FAM135A: variants seen among roughly 807,000 people sequenced by gnomAD.
FAM135A encodes protein FAM135A.
FAM135A carries 79 observed loss-of-function variants against 146.8 expected under a neutral mutation model. The observed-to-expected ratio is 0.54, with a 90% CI of 0.45 to 0.65. The LOEUF (loss-of-function observed/expected upper bound fraction) is 0.65, where lower values mean the gene tolerates loss of function less well. FAM135A is among the 30% of genes least tolerant of loss of function. The pLI, the probability that FAM135A is intolerant of heterozygous loss-of-function variation, is 0.00. For missense variants in FAM135A, 1,623 were observed against 1,758.2 expected, an observed-to-expected ratio of 0.92 and a Z score of 1.38; for synonymous variants, 562 against 603.6, an observed-to-expected ratio of 0.93 and a Z score of 1.01.
At position 70,525,012 on chromosome 6, in the gene FAM135A, G is replaced by A. The variant is rs1794386887; in HGVS notation, c.1928G>A (p.Cys643Tyr). ...NLASRRSSDDCHDHQTTPSLG... is the reference protein window; with the variant it reads ...NLASRRSSDDYHDHQTTPSLG... ...GCATCCAGAAGGTCATCAGACGATTGCCATGATCATCAAACAACCCCATCT... is the reference window on the plus strand; with the variant it reads ...GCATCCAGAAGGTCATCAGACGATTACCATGATCATCAAACAACCCCATCT... Residue 643 changes from cysteine (C) to tyrosine (Y), a missense_variant, in exon 15 of 22, where the codon TGC becomes TAC. Cys to Tyr is a radical substitution (Grantham distance 194). Around this residue, in one of 7 missense-constraint regions of FAM135A, gnomAD observed 1,061 missense variants for 1,113.8 expected, o/e 0.95. Coordinates refer to ENST00000418814, the MANE Select transcript of FAM135A (RefSeq NM_001162529.3). 1.3e-6 allele frequency: 2 copies of A among 1,598,162 alleles called. No homozygotes were observed. Among genetic ancestry groups the A allele is most frequent in the East Asian group, 2.2e-5 (1 of 44,824 alleles).
Position 70,561,096 on chromosome 6 carries a change from A to C in FAM135A, c.*1175A>C, listed in dbSNP as rs1254610384. The C allele has an allele frequency of 6.6e-6, 1 of 152,572 alleles. No homozygotes were observed. Among genetic ancestry groups the C allele is most frequent in the East Asian group, 1.9e-4 (1 of 5,208 alleles). 9.5% of individuals were successfully genotyped at this position (152,572 alleles called of 1,614,324 possible). A position where few individuals can be genotyped will look rare whatever the true frequency, so the allele number is the denominator to read the frequency against. On this transcript the variant is annotated 3_prime_UTR_variant, in exon 22 of 22. Coordinates refer to ENST00000418814, the MANE Select transcript of FAM135A (RefSeq NM_001162529.3). The stretch of plus-strand genomic sequence containing the variant: ...TTTGTAAGTATTTATTGTACAATTG[A>C]TGCATGTTTATTTTTAGCGTTGTTA...
intron 4 of FAM135A, among the ~76,000 whole-genome samples, chr6:70,450,316 T>G (rs910655284): frequency 4.6e-5 from 7 of 152,214 alleles, no homozygotes; most frequent in Non-Finnish European, 7.3e-5. Flanking sequence ...CCTATGTTTT[T>G]GGGGTTATAT....
At chr6:70,533,382 GTA>G (rs146023593) in intron 17 of FAM135A, 131 bp downstream of exon 17, 85,475 of 622,270 alleles carry the variant, frequency 0.14, 6,872 homozygotes, top group Non-Finnish European at 0.16. Context: ...TAATATAAAT[GTA>G]TATCCAAAGG....
At chr6:70,436,511 T>A (rs1773200264) in intron 4 of FAM135A, among the ~76,000 whole-genome samples, 1 of 152,190 alleles carries the variant, frequency 6.6e-6, no homozygotes, top group Non-Finnish European at 1.5e-5. Context: ...AGGGGTACAT[T>A]TAGTCTGAAT....
At chr6:70,504,001 C>G (rs2128259644) in intron 12 of FAM135A, 1 of 152,258 alleles carries the variant, frequency 6.6e-6, no homozygotes, top group East Asian at 1.9e-4. Context: ...AAATACTTAC[C>G]TGTGAGGCAA....
At chr6:70,437,057 T>C (rs1440887038) in intron 4 of FAM135A, among the ~76,000 whole-genome samples, 3 of 152,126 alleles carry the variant, frequency 2.0e-5, no homozygotes, top group Non-Finnish European at 2.9e-5. Flanking sequence ...TGAAACAAAT[T>C]TGTGTATTTA....
intron 17 of FAM135A, 43 bp downstream of exon 17, chr6:70,533,294 A>G (rs778530600): frequency 3.4e-6 from 5 of 1,482,386 alleles, no homozygotes; most frequent in African/African-American, 2.8e-5. Flanking sequence ...ACATTTTTGT[A>G]CCAGTTTCTA....
At chr6:70,457,991 A>C (rs1778693598) in intron 5 of FAM135A, among the ~76,000 whole-genome samples, 1 of 152,142 alleles carries the variant, frequency 6.6e-6, no homozygotes, top group South Asian at 2.1e-4. Context: ...ATAGTTTACT[A>C]GTATATTTAA....
Position 70,435,573 on chromosome 6 carries a change from G to A in FAM135A, c.77+7154G>A, listed in dbSNP as rs144356141. The stretch of plus-strand genomic sequence containing the variant: ...TCGCTCTTGTTGCCCAGGCTGGAGC[G>A]TAGTGATGCAATGTCGGCTCATCGC... On this transcript the variant is annotated intron_variant, in intron 4 of 21. Transcript: ENST00000418814. Among the ~76,000 whole-genome samples the A allele has an allele frequency of 3.7e-3, 566 of 151,844 alleles. 3 individuals are homozygous for A. The highest frequency in any genetic ancestry group is 0.012 in the African/African-American group (495 of 41,416).
chr6:70,506,834 G>T (rs569933378), intron 12 of FAM135A, among the ~76,000 whole-genome samples: 206 of 148,900 alleles, frequency 1.4e-3, no homozygotes, highest in African/African-American at 4.9e-3. Flanking sequence ...AAATATTATA[G>T]TTCCATTAAA....
intron 4 of FAM135A, among the ~76,000 whole-genome samples, chr6:70,442,521 CCATTT>C (rs1774796663): frequency 6.6e-6 from 1 of 151,898 alleles, no homozygotes; most frequent in Non-Finnish European, 1.5e-5. Context: ...CCATAGGTAA[CCATTT>C]TATTTTTATT....
chr6:70,474,521 A>T (rs755217727), intron 5 of FAM135A, among the ~76,000 whole-genome samples: 4 of 152,176 alleles, frequency 2.6e-5, no homozygotes, highest in Non-Finnish European at 5.9e-5. Flanking sequence ...CTCATGTTTG[A>T]TAATTCAGTA....
At chr6:70,432,445 C>G (rs1348684435) in intron 4 of FAM135A, among the ~76,000 whole-genome samples, 1 of 152,156 alleles carries the variant, frequency 6.6e-6, no homozygotes, top group Non-Finnish European at 1.5e-5. Flanking sequence ...AGCGCTTTTC[C>G]TGTTCATCTG....
At chr6:70,531,118 T>C (rs1795723869) in intron 16 of FAM135A, among the ~76,000 whole-genome samples, 1 of 152,222 alleles carries the variant, frequency 6.6e-6, no homozygotes, top group Admixed American at 6.5e-5. Context: ...AAGGACTCTC[T>C]GGTGAAGCTT....
chr6:70,533,167 T>A lies in FAM135A; in HGVS notation c.3783T>A (p.Ser1261Arg). The change falls in exon 17 of 22, where the codon AGT (serine) becomes AGA (arginine). Residue 1261 changes from serine (S) to arginine (R), a missense_variant. Coordinates refer to ENST00000418814, the MANE Select transcript of FAM135A (RefSeq NM_001162529.3). ...TCATTTTTCATTTTTTAGGAAACAG[T>A]GCAGATCTCCGATTAGTAAAAACTT... ...IVCVHGLDGN[S>R]ADLRLVKTYI... The A allele has an allele frequency of 6.2e-7, 1 of 1,612,422 alleles. No individual in the cohort carries two copies.
intron 16 of FAM135A, 109 bp downstream of exon 16, chr6:70,528,561 C>T (rs1795178928): frequency 7.3e-6 from 7 of 961,588 alleles, no homozygotes; most frequent in Non-Finnish European, 8.6e-6. Context: ...TTTTTAATTG[C>T]TTAAATTAAT....
chr6:70,435,584 A>G (rs909844675), intron 4 of FAM135A, among the ~76,000 whole-genome samples: 2 of 151,460 alleles, frequency 1.3e-5, no homozygotes, highest in African/African-American at 2.4e-5. Context: ...TAGTGATGCA[A>G]TGTCGGCTCA....
At position 70,424,808 on chromosome 6, in the gene FAM135A, A is replaced by G. The variant is rs538626899; in HGVS notation, c.-133-1631A>G. Among the ~76,000 whole-genome samples the G allele has an allele frequency of 7.2e-5, 11 of 152,262 alleles. No homozygotes were observed. In the East Asian group the frequency reaches 1.9e-3, roughly 27 times the overall value. On this transcript the variant is annotated intron_variant, in intron 2 of 21. Transcript: ENST00000418814. Reference sequence around the variant, plus strand: ...CTGGGACTATGGGCTTTTTATGGGCACTAGTTTTGCAGATTATTGTAGGCA... The same window carrying G: ...CTGGGACTATGGGCTTTTTATGGGCGCTAGTTTTGCAGATTATTGTAGGCA...
At chr6:70,438,141 A>C (rs1278294563) in intron 4 of FAM135A, among the ~76,000 whole-genome samples, 1 of 152,230 alleles carries the variant, frequency 6.6e-6, no homozygotes, top group Non-Finnish European at 1.5e-5. Flanking sequence ...ATACAATGAC[A>C]AGTAGAAACA....
Sources: gnomAD v4.1 joint callset for allele counts (sites outside exome capture counted in the v4.1 genomes callset) on GRCh38, gnomAD v4.1.1 for gene constraint, gnomAD v4.1.1 regional missense constraint, MANE v1.5 for transcripts, NCBI Gene and HGNC (gene_info 2026-07-23, HGNC 2026-07-21) for gene names.